SPATA6L: variants seen among roughly 807,000 people sequenced by gnomAD.
SPATA6L encodes the protein spermatogenesis associated 6-like protein.
Under a neutral mutation model 49.2 loss-of-function variants are expected in SPATA6L, and 68 were observed. The ratio of observed to expected loss-of-function variants is 1.38; its 90% CI spans 1.14 to 1.69. The LOEUF is 1.69. Ranked by LOEUF, SPATA6L falls within the 40% of genes most tolerant of loss-of-function variation. The probability of loss-of-function intolerance (pLI) is 0.00; values close to 1 mark genes in which losing one functional copy is unlikely to be tolerated. For synonymous variants in SPATA6L, 198 were observed against 165.7 expected (o/e 1.19, Z -1.50); for missense variants, 668 against 464.3 (o/e 1.44, Z -4.03).
At chr9:4,629,769 G>GTGTGTGTGTGTGTGTGTGTGTATATATA (rs1311805859) in intron 4 of SPATA6L, among the ~76,000 whole-genome samples, 2 of 101,936 alleles carry the variant, frequency 2.0e-5, no homozygotes, top group African/African-American at 9.9e-5. Flanking sequence ...GTGTGTGTGT[G>GTGTGTGTGTGTGTGTGTGTGTATATATA]TATATATATA....
intron 7 of SPATA6L, among the ~76,000 whole-genome samples, chr9:4,621,988 T>A (rs1466487242): frequency 6.6e-6 from 1 of 152,218 alleles, no homozygotes; most frequent in African/African-American, 2.4e-5. Context: ...CTCGCTGACA[T>A]GAAATCTTGT....
At chr9:4,658,288 C>T (rs1267246696) in intron 2 of SPATA6L, among the ~76,000 whole-genome samples, 1 of 152,140 alleles carries the variant, frequency 6.6e-6, no homozygotes, top group Non-Finnish European at 1.5e-5. Flanking sequence ...TAAACAATGA[C>T]TTATATATTC....
At chr9:4,621,731 G>A (rs965409944) in intron 7 of SPATA6L, among the ~76,000 whole-genome samples, 1 of 152,172 alleles carries the variant, frequency 6.6e-6, no homozygotes, top group African/African-American at 2.4e-5. Context: ...CAGGTGATCT[G>A]CCTGCCTCGG....
intron 9 of SPATA6L, among the ~76,000 whole-genome samples, chr9:4,608,085 G>C (rs1245184567): frequency 7.9e-5 from 11 of 139,498 alleles, no homozygotes; most frequent in African/African-American, 2.4e-4. Context: ...AATTCAACAA[G>C]AAGAGCTAAC....
intron 11 of SPATA6L, among the ~76,000 whole-genome samples, chr9:4,602,615 G>T (rs957271227): frequency 3.9e-5 from 6 of 152,174 alleles, no homozygotes; most frequent in Non-Finnish European, 8.8e-5. Flanking sequence ...CTGACATGAG[G>T]ACTATACAGG....
rs574202105 is a variant in SPATA6L, at chr9:4,606,525, C to G, written c.996-1085G>C. 5.6e-3 allele frequency among the ~76,000 whole-genome samples: 216 copies of G among 38,258 alleles called. 50 individuals carry two copies. Among genetic ancestry groups the G allele is most frequent in the South Asian group, 0.015 (19 of 1,242 alleles). The allele number at this position is 38,258 out of a possible 152,430, so 25.1% of individuals were successfully genotyped here. ...GAGCAGCCTAACTGGGAGGCACCCC[C>G]CAGCAGGGGCACACTGACACCTCAC... is the stretch of plus-strand genomic sequence containing the variant. On this transcript the variant is annotated intron_variant, in intron 9 of 11. Transcript: ENST00000682582.
At chr9:4,651,133 G>A (rs1836753518) in intron 3 of SPATA6L, among the ~76,000 whole-genome samples, 2 of 152,150 alleles carry the variant, frequency 1.3e-5, no homozygotes, top group Non-Finnish European at 2.9e-5. Context: ...CTCCTGAGAA[G>A]CAAATACCAC....
At chr9:4,617,811 G>T in intron 9 of SPATA6L, 112 bp downstream of exon 9, 1 of 818,912 alleles carries the variant, frequency 1.2e-6, no homozygotes, top group Non-Finnish European at 1.8e-6. Context: ...TTCATATCAA[G>T]GTGTCACCAG....
rs1323280299 is a variant in SPATA6L, at chr9:4,646,628, T to C, written c.226+9413A>G. On this transcript the variant is annotated intron_variant, in intron 3 of 11. Coordinates refer to ENST00000682582, the MANE Select transcript of SPATA6L (RefSeq NM_001353486.2). The stretch of plus-strand genomic sequence containing the variant: ...TGTCATAAAACCCACTTAATAGTAA[T>C]AATAATAAAAATAATAATTAAAAAT... The C allele has an allele frequency of 9.7e-6, 5 of 515,944 alleles. 1 individual carries two copies. The highest frequency in any genetic ancestry group is 1.6e-5 in the Non-Finnish European group (5 of 315,284). The allele number at this position is 515,944 out of a possible 1,614,324, so 32.0% of individuals were successfully genotyped here.
intron 3 of SPATA6L, among the ~76,000 whole-genome samples, chr9:4,655,783 T>A (rs1838004684): frequency 6.6e-6 from 1 of 152,112 alleles, no homozygotes; most frequent in African/African-American, 2.4e-5. Context: ...ACTCCTGACC[T>A]CAAGGGATTC....
chr9:4,596,580 G>A (rs952645109), downstream of SPATA6L: 1 of 152,148 alleles, frequency 6.6e-6, no homozygotes, highest in Non-Finnish European at 1.5e-5. Flanking sequence ...GGGGAGGAGG[G>A]GACTTCCTAA....
At chr9:4,634,028 A>G (rs1354019770) in intron 4 of SPATA6L, among the ~76,000 whole-genome samples, 1 of 152,346 alleles carries the variant, frequency 6.6e-6, no homozygotes, top group African/African-American at 2.4e-5. Context: ...ACAACCTCCT[A>G]TAGGTTATTT....
chr9:4,640,474 A>G (rs1233337808), intron 3 of SPATA6L, among the ~76,000 whole-genome samples: 1 of 152,240 alleles, frequency 6.6e-6, no homozygotes, highest in Non-Finnish European at 1.5e-5. Flanking sequence ...CAGCTAAATG[A>G]AAAGGTAACA....
chr9:4,607,326 C>T lies in SPATA6L; in HGVS notation c.996-1886G>A, dbSNP rs301460. On this transcript the variant is annotated intron_variant, in intron 9 of 11. Coordinates refer to ENST00000682582, the MANE Select transcript of SPATA6L (RefSeq NM_001353486.2). The stretch of plus-strand genomic sequence containing the variant: ...AAGATACTCCTCGAGAAGAGCAACT[C>T]CAACACACATAATTGTCAGATTCAC... 9.9e-5 allele frequency among the ~76,000 whole-genome samples: 15 copies of T among 151,998 alleles called. 1 individual carries two copies. The highest frequency in any genetic ancestry group is 9.2e-4 in the Admixed American group (14 of 15,258).
downstream of SPATA6L, among the ~76,000 whole-genome samples, chr9:4,593,436 C>T (rs183229301): frequency 6.6e-6 from 1 of 152,254 alleles, no homozygotes; most frequent in Admixed American, 6.5e-5. Flanking sequence ...TTCACTCAAA[C>T]CCCAACTCTC....
At chr9:4,634,738 C>T (rs1023499100) in intron 4 of SPATA6L, among the ~76,000 whole-genome samples, 3 of 151,820 alleles carry the variant, frequency 2.0e-5, no homozygotes, top group East Asian at 1.9e-4. Context: ...AATGAGTATC[C>T]TGAATTTGGG....
At chr9:4,607,384 C>A (rs2130177367) in intron 9 of SPATA6L, among the ~76,000 whole-genome samples, 1 of 152,178 alleles carries the variant, frequency 6.6e-6, no homozygotes, top group South Asian at 2.1e-4. Context: ...ATGTTAAGGG[C>A]AGCCAGAGAG....
At chr9:4,644,221 G>T (rs60010336) in intron 3 of SPATA6L, among the ~76,000 whole-genome samples, 12,314 of 109,680 alleles carry the variant, frequency 0.11, 713 homozygotes, top group Admixed American at 0.21. Context: ...AAAAAAAAAT[G>T]TAGCTGGGCA....
Position 4,622,518 on chromosome 9 carries a change from TAAAGG to T in SPATA6L, c.670-13_670-9del. The T allele has an allele frequency of 6.3e-7, 1 of 1,587,662 alleles. No individual in the cohort carries two copies. The highest frequency in any genetic ancestry group is 8.6e-7 in the Non-Finnish European group (1 of 1,159,640). On this transcript the variant is annotated splice_polypyrimidine_tract_variant and intron_variant, in intron 6 of 11. Transcript: ENST00000682582. Reference sequence around the variant, plus strand: ...GGGCTTTGCACTGTCCACCTGAAAGTAAAGGAAAGAAATAAGACTAGAATCCACTA... The same window carrying T: ...GGGCTTTGCACTGTCCACCTGAAAGTAAAGAAATAAGACTAGAATCCACTA...
Sources: gnomAD v4.1 joint callset for allele counts (sites outside exome capture counted in the v4.1 genomes callset) on GRCh38, gnomAD v4.1.1 for gene constraint, MANE v1.5 for transcripts, NCBI Gene and HGNC (gene_info 2026-07-23, HGNC 2026-07-21) for gene names.